Variants in GPBP1L1 observed in about 807,000 individuals in gnomAD.
The protein encoded by GPBP1L1 is GC-rich promoter binding protein 1 like 1.
Under a neutral mutation model 52.5 loss-of-function variants are expected in GPBP1L1, and 23 were observed. The ratio of observed to expected loss-of-function variants is 0.44; its 90% CI spans 0.32 to 0.62. The LOEUF (loss-of-function observed/expected upper bound fraction) is 0.62, where lower values mean the gene tolerates loss of function less well. Ranked by LOEUF, GPBP1L1 falls within the 20% of genes least tolerant of loss-of-function variation. GPBP1L1 has a pLI of 0.06. For missense variants in GPBP1L1, 596 were observed against 579.3 expected (o/e 1.03, Z -0.30); for synonymous variants, 243 against 203.1 (o/e 1.20, Z -1.67).
In GPBP1L1 at chr1:45,628,385, C is replaced by A; in HGVS notation, c.1296G>T (p.Lys432Asn). ...AACTGCGGCTCTGCAAGAAGCCATT[C>A]TTTCCAAAGCCATTTCTTCTCAGCT... ...TEQLRRNGFG[K>N]NGFLQSRSSS... The change falls in exon 13 of 13, where the codon AAG (lysine) becomes AAT (asparagine). Residue 432 changes from lysine (K) to asparagine (N), a missense_variant. Lys to Asn is a moderately conservative substitution (Grantham distance 94, BLOSUM62 0). Coordinates refer to ENST00000355105, the MANE Select transcript of GPBP1L1 (RefSeq NM_021639.5). 6.2e-7 allele frequency: 1 copy of A among 1,613,972 alleles called. No individual in the cohort carries two copies. Among genetic ancestry groups the A allele is most frequent in the Non-Finnish European group, 8.5e-7 (1 of 1,180,014 alleles).
intron 2 of GPBP1L1, among the ~76,000 whole-genome samples, chr1:45,668,601 G>C (rs1226259379): frequency 6.6e-6 from 1 of 151,010 alleles, no homozygotes; most frequent in Non-Finnish European, 1.5e-5. Context: ...AGGTTGCAGT[G>C]AGCCGAGATC....
chr1:45,666,521 T>A (rs1003412578), intron 2 of GPBP1L1, among the ~76,000 whole-genome samples: 1 of 152,148 alleles, frequency 6.6e-6, no homozygotes, highest in African/African-American at 2.4e-5. Context: ...GTATCTAGCA[T>A]GGTACCATGC....
intron 1 of GPBP1L1, among the ~76,000 whole-genome samples, chr1:45,686,129 G>C (rs1645279575): frequency 6.6e-6 from 1 of 152,230 alleles, no homozygotes; most frequent in African/African-American, 2.4e-5. Flanking sequence ...CCGCAGGTGA[G>C]CGTTCCGACC....
intron 2 of GPBP1L1, among the ~76,000 whole-genome samples, chr1:45,676,363 G>A (rs547448616): frequency 1.1e-4 from 17 of 152,000 alleles, no homozygotes; most frequent in Admixed American, 3.3e-4. Flanking sequence ...CACTTTTGGA[G>A]GCCAGGGTGA....
chr1:45,683,287 G>A (rs1353541200), intron 2 of GPBP1L1, among the ~76,000 whole-genome samples: 1 of 131,102 alleles, frequency 7.6e-6, no homozygotes, highest in Admixed American at 9.0e-5. Flanking sequence ...CTCACTGGAA[G>A]CTCTGCCTTC....
At chr1:45,643,366 A>G (rs141126879) in intron 6 of GPBP1L1, among the ~76,000 whole-genome samples, 86 of 152,330 alleles carry the variant, frequency 5.6e-4, no homozygotes, top group African/African-American at 2.0e-3. Context: ...TTTATTCTAC[A>G]GGTAATGAGG....
Position 45,656,663 on chromosome 1 carries a change from A to G in GPBP1L1, c.61-1344T>C, listed in dbSNP as rs558889198. ...AGTCAAAAATCAACAAAATACATAC[A>G]TAAGCCTTTTTTTTTTTTTTTTAAG... On this transcript the variant is annotated intron_variant, in intron 4 of 12. Coordinates refer to ENST00000355105, the MANE Select transcript of GPBP1L1 (RefSeq NM_021639.5). Among the ~76,000 whole-genome samples the G allele has an allele frequency of 1.7e-3, 257 of 150,414 alleles. 2 individuals are homozygous for G. The highest frequency in any genetic ancestry group is 0.01 in the Admixed American group (155 of 15,092).
chr1:45,657,382 A>G (rs1286598319), intron 4 of GPBP1L1, among the ~76,000 whole-genome samples: 1 of 152,082 alleles, frequency 6.6e-6, no homozygotes, highest in Non-Finnish European at 1.5e-5. Context: ...GAAAACTACA[A>G]AAAATTAGCT....
chr1:45,634,043 T>C (rs1342213091), intron 9 of GPBP1L1, 53 bp downstream of exon 9: 5 of 1,533,788 alleles, frequency 3.3e-6, no homozygotes, highest in Non-Finnish European at 4.4e-6. Flanking sequence ...GTTATCTAAG[T>C]GAACGGGAAA....
chr1:45,681,596 A>T (rs1645212889), intron 2 of GPBP1L1, among the ~76,000 whole-genome samples: 1 of 152,182 alleles, frequency 6.6e-6, no homozygotes, highest in Non-Finnish European at 1.5e-5. Context: ...ATTTCACTGG[A>T]TTGGTGTGTT....
chr1:45,649,674 T>C (rs1356309022), intron 6 of GPBP1L1, among the ~76,000 whole-genome samples: 1 of 152,194 alleles, frequency 6.6e-6, no homozygotes, highest in Non-Finnish European at 1.5e-5. Context: ...TTTTAATATT[T>C]TTTAATACTA....
At chr1:45,658,959 A>G (rs1256429483) in intron 4 of GPBP1L1, 69 bp downstream of exon 4, 2 of 1,112,650 alleles carry the variant, frequency 1.8e-6, no homozygotes, top group Admixed American at 1.8e-5. Context: ...AATGAAACCA[A>G]AAAACAACCA....
intron 6 of GPBP1L1, among the ~76,000 whole-genome samples, chr1:45,648,804 G>A (rs1644785370): frequency 6.6e-6 from 1 of 152,104 alleles, no homozygotes; most frequent in South Asian, 2.1e-4. Flanking sequence ...GAGGCAGGCG[G>A]ATCACTTGAG....
intron 2 of GPBP1L1, among the ~76,000 whole-genome samples, chr1:45,674,275 A>C (rs1207533802): frequency 6.6e-6 from 1 of 152,244 alleles, no homozygotes; most frequent in East Asian, 1.9e-4. Flanking sequence ...TGCCTATTTT[A>C]TTTGGATAAG....
In GPBP1L1 at chr1:45,644,892, T is replaced by C. The variant is rs370889036; in HGVS notation, c.478-2393A>G. 3.3e-5 allele frequency among the ~76,000 whole-genome samples: 5 copies of C among 152,226 alleles called. No individual in the cohort carries two copies. The East Asian group carries it at 9.6e-4, about 29-fold the overall frequency. On this transcript the variant is annotated intron_variant, in intron 6 of 12. Coordinates refer to ENST00000355105, the MANE Select transcript of GPBP1L1 (RefSeq NM_021639.5). ...TACTTCCATAAATAGGAACTTCCCC[T>C]ATTTGGCAATTCAACAGTACAGTTC...
intron 2 of GPBP1L1, among the ~76,000 whole-genome samples, chr1:45,662,795 T>C (rs903072187): frequency 2.6e-5 from 4 of 152,136 alleles, no homozygotes; most frequent in African/African-American, 9.7e-5. Flanking sequence ...CTCACGCCTA[T>C]AATCCCAGCA....
intron 2 of GPBP1L1, among the ~76,000 whole-genome samples, chr1:45,666,107 G>C (rs1645007421): frequency 6.6e-6 from 1 of 151,004 alleles, no homozygotes; most frequent in African/African-American, 2.4e-5. Context: ...AGTAATCCCT[G>C]CCTCTGAAAA....
chr1:45,669,198 C>T (rs1362723248), intron 2 of GPBP1L1, among the ~76,000 whole-genome samples: 1 of 152,220 alleles, frequency 6.6e-6, no homozygotes, highest in Admixed American at 6.5e-5. Context: ...CAGGGTCTCA[C>T]TCTGTTGCCC....
chr1:45,629,454 T>TTTCCCCCCCCCCCCCCCCC (rs758811981), intron 12 of GPBP1L1, 122 bp downstream of exon 12: 4 of 117,618 alleles, frequency 3.4e-5, no homozygotes, highest in Non-Finnish European at 6.5e-5. Context: ...ACTAAGGTAA[T>TTTCCCCCCCCCCCCCCCCC]CCCCCCCCCC....
Sources: allele counts gnomAD v4.1 joint callset (sites outside exome capture counted in the v4.1 genomes callset), GRCh38; gene constraint gnomAD v4.1.1; transcripts MANE v1.5; gene names NCBI Gene and HGNC (gene_info 2026-07-23, HGNC 2026-07-21).